TATDN3: variants seen among roughly 807,000 people sequenced by gnomAD.
TATDN3 encodes deoxyribonuclease TATDN3.
A neutral mutation model predicts 40.1 loss-of-function variants in TATDN3; 29 were observed. That is an observed-to-expected ratio of 0.72 (90% confidence interval 0.54 to 0.99). The LOEUF is 0.99. Among genes scored for constraint, TATDN3 ranks in the 50% least tolerant of loss-of-function variants. The probability of loss-of-function intolerance (pLI) is 0.00; values close to 1 mark genes in which losing one functional copy is unlikely to be tolerated. For synonymous variants in TATDN3, 105 were observed against 117.0 expected, an observed-to-expected ratio of 0.90 and a Z score of 0.66; for missense variants, 309 against 321.9, an observed-to-expected ratio of 0.96 and a Z score of 0.31.
At chr1:212,801,371 C>T (rs1362915875) in intron 4 of TATDN3, among the ~76,000 whole-genome samples, 1 of 151,904 alleles carries the variant, frequency 6.6e-6, no homozygotes, top group Non-Finnish European at 1.5e-5. Context: ...TAAATTTGTA[C>T]ATATTAAATA....
In TATDN3 at chr1:212,806,809, CATATAT is replaced by C. The variant is rs1160050575; in HGVS notation, c.488-925_488-920del. The stretch of plus-strand genomic sequence containing the variant: ...ACACACACACACACACATATATACA[CATATAT>C]ACACATATATACATATATATACATA... On this transcript the variant is annotated intron_variant, in intron 7 of 9. Transcript: ENST00000366974. Among the ~76,000 whole-genome samples the C allele has an allele frequency of 9.2e-3, 668 of 72,794 alleles. 80 individuals carry two copies. Among genetic ancestry groups the C allele is most frequent in the Middle Eastern group, 0.025 (3 of 118 alleles). 47.8% of individuals were successfully genotyped at this position (72,794 alleles called of 152,430 possible). A position where few individuals can be genotyped will look rare whatever the true frequency, so the allele number is the denominator to read the frequency against.
chr1:212,812,880 G>A (rs1286161257), intron 9 of TATDN3, among the ~76,000 whole-genome samples: 5 of 151,908 alleles, frequency 3.3e-5, no homozygotes, highest in Admixed American at 6.6e-5. Flanking sequence ...TGGCACATGC[G>A]CCTGTAATCG....
chr1:212,796,331 G>A (rs1180925670), intron 2 of TATDN3, among the ~76,000 whole-genome samples, 186 bp from the exon 3 acceptor site: 1 of 152,056 alleles, frequency 6.6e-6, no homozygotes, highest in East Asian at 1.9e-4. Context: ...AATTAAATGA[G>A]GCAATATTTA....
intron 7 of TATDN3, among the ~76,000 whole-genome samples, chr1:212,805,115 T>A (rs1662380039): frequency 6.6e-6 from 1 of 151,690 alleles, no homozygotes; most frequent in African/African-American, 2.4e-5. Flanking sequence ...GCACCCACTA[T>A]CACATCCAGC....
rs1291939456 is a variant in TATDN3 at position 212,796,872 on chromosome 1, G to A, written c.174-240G>A. On this transcript the variant is annotated intron_variant, in intron 3 of 9. Coordinates refer to ENST00000366974, the MANE Select transcript of TATDN3 (RefSeq NM_001042552.3). Reference sequence around the variant, plus strand: ...CTGCCTCAGCCTCCCAAGTAGCTGGGTCTAAAGCATGCACCACCAGGCCTG... The same window carrying A: ...CTGCCTCAGCCTCCCAAGTAGCTGGATCTAAAGCATGCACCACCAGGCCTG... 8.1e-6 allele frequency: 4 copies of A among 492,500 alleles called. No individual in the cohort carries two copies. The East Asian group carries it at 9.8e-5, about 12-fold the overall frequency. The allele number at this position is 492,500 out of a possible 1,614,324, so 30.5% of individuals were successfully genotyped here.
At chr1:212,794,305 C>T (rs1661575236) in intron 1 of TATDN3, among the ~76,000 whole-genome samples, 1 of 148,790 alleles carries the variant, frequency 6.7e-6, no homozygotes. Flanking sequence ...AAATTGGGGA[C>T]TCAGGCTGGG....
intron 8 of TATDN3, among the ~76,000 whole-genome samples, chr1:212,810,235 C>T (rs1171957644): frequency 1.3e-5 from 2 of 151,670 alleles, no homozygotes; most frequent in African/African-American, 2.4e-5. Flanking sequence ...GAAGGCAGGG[C>T]GCGGTGGCTC....
intron 8 of TATDN3, among the ~76,000 whole-genome samples, chr1:212,811,695 T>TTTA (rs924389773): frequency 6.6e-6 from 1 of 151,390 alleles, no homozygotes; most frequent in African/African-American, 2.4e-5. Context: ...GTATTTTTAT[T>TTTA]TTATTATTAT....
intron 7 of TATDN3, 69 bp downstream of exon 7, chr1:212,804,720 A>ACTG: frequency 7.2e-7 from 1 of 1,395,842 alleles, no homozygotes; most frequent in Non-Finnish European, 1.0e-6. Flanking sequence ...GTTCTCATAA[A>ACTG]GCAAGCCATG....
intron 1 of TATDN3, among the ~76,000 whole-genome samples, chr1:212,792,245 CT>C (rs1233156151): frequency 6.6e-6 from 1 of 152,174 alleles, no homozygotes; most frequent in Non-Finnish European, 1.5e-5. Context: ...GAATCGTTCC[CT>C]CACTCCCCTT....
chr1:212,804,645 G>C lies in TATDN3; in HGVS notation c.481G>C (p.Glu161Gln), dbSNP rs149266911. Residue 161 changes from glutamate to glutamine, a missense_variant, in exon 7 of 10, where the codon GAG becomes CAG. Physicochemically the swap from Glu to Gln is conservative, Grantham distance 29. Transcript: ENST00000366974. ...AAGACCTACCATCAACCTTTTACAA[G>C]AGCAAGGTATTTCGTTTCCTGAGAA... The part of the protein sequence containing the change: ...AGRPTINLLQ[E>Q]QGAEKVLLHA... 4 of 1,612,648 alleles carry C rather than the reference G, an allele frequency of 2.5e-6. No individual in the cohort carries two copies. In the African/African-American group the frequency reaches 4.0e-5, roughly 16 times the overall value.
chr1:212,797,957 G>GTTTGA (rs1223267722), intron 4 of TATDN3, among the ~76,000 whole-genome samples: 5 of 152,132 alleles, frequency 3.3e-5, no homozygotes, highest in African/African-American at 1.2e-4. Context: ...TGCATAATGG[G>GTTTGA]TTTGATAGCC....
At chr1:212,804,855 T>G (rs1532951) in intron 7 of TATDN3, among the ~76,000 whole-genome samples, 25,058 of 152,180 alleles carry the variant, frequency 0.16, 2,181 homozygotes, top group East Asian at 0.28. Flanking sequence ...CAGGCCCAGA[T>G]AGAGTAAATG....
chr1:212,812,336 GT>G lies in TATDN3; in HGVS notation c.681+12del. 1.5e-6 allele frequency: 2 copies of G among 1,362,342 alleles called. No individual in the cohort carries two copies. Among genetic ancestry groups the G allele is most frequent in the South Asian group, 2.6e-5 (2 of 77,398 alleles). 84.4% of individuals were successfully genotyped at this position (1,362,342 alleles called of 1,614,324 possible). A position where few individuals can be genotyped will look rare whatever the true frequency, so the allele number is the denominator to read the frequency against. On this transcript the variant is annotated intron_variant, in intron 9 of 9. Transcript: ENST00000366974. ...CTAGGACCAGAAAAACAGGTAAATG[GT>G]TTTCTAATTTCTATATTATTTAGAT...
chr1:212,809,217 G>A (rs1479009129), intron 8 of TATDN3, among the ~76,000 whole-genome samples: 1 of 152,184 alleles, frequency 6.6e-6, no homozygotes, highest in African/African-American at 2.4e-5. Context: ...ATTTTGAGGG[G>A]AAGGATAATA....
At chr1:212,801,765 A>T (rs921509460) in intron 4 of TATDN3, among the ~76,000 whole-genome samples, 1 of 152,178 alleles carries the variant, frequency 6.6e-6, no homozygotes, top group Non-Finnish European at 1.5e-5. Flanking sequence ...ATCATTTTTC[A>T]TGACAATGTT....
chr1:212,816,189 T>C lies in TATDN3; in HGVS notation c.*1033T>C, dbSNP rs1457165521. On this transcript the variant is annotated 3_prime_UTR_variant, in exon 10 of 10. Transcript: ENST00000366974. ...TTTCATATTTTTAAGTTTAAAAATG[T>C]TAGTGTAAGCCAGGCACAGTGGCAT... 2 of 152,200 alleles carry C rather than the reference T, an allele frequency of 1.3e-5. No homozygotes were observed. The highest frequency in any genetic ancestry group is 1.3e-4 in the Admixed American group (2 of 15,270). 9.4% of individuals were successfully genotyped at this position (152,200 alleles called of 1,614,324 possible). A position where few individuals can be genotyped will look rare whatever the true frequency, so the allele number is the denominator to read the frequency against.
chr1:212,806,961 T>C (rs1662577868), intron 7 of TATDN3, among the ~76,000 whole-genome samples: 1 of 148,852 alleles, frequency 6.7e-6, no homozygotes, highest in Non-Finnish European at 1.5e-5. Flanking sequence ...TTATTTTTTT[T>C]GAGATGGAGT....
chr1:212,798,796 G>C (rs895001420), intron 4 of TATDN3, among the ~76,000 whole-genome samples: 1 of 152,182 alleles, frequency 6.6e-6, no homozygotes, highest in African/African-American at 2.4e-5. Context: ...CAGCACTGCA[G>C]ACCCAATAAT....
Sources: gnomAD v4.1 joint callset for allele counts (sites outside exome capture counted in the v4.1 genomes callset) on GRCh38, gnomAD v4.1.1 for gene constraint, MANE v1.5 for transcripts, NCBI Gene and HGNC (gene_info 2026-07-23, HGNC 2026-07-21) for gene names.